RANBP2: variants seen among roughly 807,000 people sequenced by gnomAD.
RANBP2 encodes RAN binding protein 2.
A neutral mutation model predicts 303.6 loss-of-function variants in RANBP2; 57 were observed. That is an observed-to-expected ratio of 0.19 (90% confidence interval 0.15 to 0.23). The LOEUF (loss-of-function observed/expected upper bound fraction) is 0.23. Ranked by LOEUF, RANBP2 falls within the 10% of genes least tolerant of loss-of-function variation. The probability of loss-of-function intolerance (pLI) is 1.00; values close to 1 mark genes in which losing one functional copy is unlikely to be tolerated. For synonymous variants in RANBP2, 1,167 were observed against 1,301.5 expected, an observed-to-expected ratio of 0.90 and a Z score of 2.23; for missense variants, 3,138 against 3,780.8, an observed-to-expected ratio of 0.83 and a Z score of 4.46.
the RANBP2 span, among the ~76,000 whole-genome samples, chr2:109,312,107 T>C: frequency 6.6e-6 from 1 of 152,230 alleles, no homozygotes; most frequent in East Asian, 1.9e-4. Context: ...TTAGCATTGT[T>C]AGTTCAAAAG....
At chr2:108,886,098 T>C in the RANBP2 span, among the ~76,000 whole-genome samples, 7 of 152,356 alleles carry the variant, frequency 4.6e-5, no homozygotes, top group Admixed American at 2.0e-4. Context: ...GTATATCATA[T>C]TGATTTCTTT....
At chr2:109,584,724 T>C in the RANBP2 span, among the ~76,000 whole-genome samples, 1 of 152,176 alleles carries the variant, frequency 6.6e-6, no homozygotes, top group Non-Finnish European at 1.5e-5. Context: ...AATTTGATTA[T>C]AATTTTACAA....
chr2:109,005,508 C>T, the RANBP2 span, among the ~76,000 whole-genome samples: 1 of 152,166 alleles, frequency 6.6e-6, no homozygotes, highest in Non-Finnish European at 1.5e-5. Flanking sequence ...TCCACCCTGT[C>T]TGCAGAAGCA....
chr2:109,119,417 AT>A, the RANBP2 span, among the ~76,000 whole-genome samples: 1 of 152,212 alleles, frequency 6.6e-6, no homozygotes, highest in Non-Finnish European at 1.5e-5. Context: ...ATTATTTATA[AT>A]TGACAATCTC....
At chr2:109,694,530 G>C in the RANBP2 span, among the ~76,000 whole-genome samples, 3 of 151,530 alleles carry the variant, frequency 2.0e-5, no homozygotes, top group Non-Finnish European at 4.4e-5. Context: ...GAACTGGTAA[G>C]CATAATGCAA....
the RANBP2 span, chr2:109,251,472 G>A: frequency 3.1e-5 from 23 of 735,768 alleles, no homozygotes; most frequent in Non-Finnish European, 5.9e-5. Context: ...ACAAGAAGTT[G>A]TCATTGAAAT....
the RANBP2 span, among the ~76,000 whole-genome samples, chr2:109,436,075 G>A: frequency 1.3e-5 from 2 of 152,190 alleles, no homozygotes; most frequent in African/African-American, 4.8e-5. Flanking sequence ...AGGCACAGGA[G>A]ACGGGGCAGG....
At chr2:108,728,752 C>T (rs1261054576) in intron 1 of RANBP2, among the ~76,000 whole-genome samples, 1 of 152,164 alleles carries the variant, frequency 6.6e-6, no homozygotes, top group Non-Finnish European at 1.5e-5. Flanking sequence ...TCAACTGATT[C>T]TCGTGCCTTA....
intron 9 of RANBP2, among the ~76,000 whole-genome samples, chr2:108,749,667 C>T (rs1271225723): frequency 1.3e-5 from 2 of 152,188 alleles, no homozygotes; most frequent in African/African-American, 4.8e-5. Context: ...TCGTAGGTCA[C>T]TGATACCTTG....
chr2:109,500,082 C>T, the RANBP2 span, among the ~76,000 whole-genome samples: 33,277 of 152,048 alleles, frequency 0.22, 3,716 homozygotes, highest in Admixed American at 0.26. Context: ...GTGTGGCTGT[C>T]CTCAGGTGTG....
chr2:109,469,811 T>C, the RANBP2 span, among the ~76,000 whole-genome samples: 1 of 152,150 alleles, frequency 6.6e-6, no homozygotes, highest in Non-Finnish European at 1.5e-5. Flanking sequence ...CCTCAGAAGG[T>C]AGATCCGAAT....
the RANBP2 span, among the ~76,000 whole-genome samples, chr2:108,837,842 A>AG: frequency 6.6e-6 from 1 of 152,154 alleles, no homozygotes; most frequent in Non-Finnish European, 1.5e-5. Flanking sequence ...TGACTGTAAG[A>AG]GAGTATATGG....
chr2:109,676,454 C>T, the RANBP2 span, among the ~76,000 whole-genome samples: 4 of 152,340 alleles, frequency 2.6e-5, no homozygotes, highest in Admixed American at 6.5e-5. Flanking sequence ...ATCTGCGGGG[C>T]GGGCTGCTCA....
chr2:109,524,483 G>A, the RANBP2 span, among the ~76,000 whole-genome samples: 5 of 141,170 alleles, frequency 3.5e-5, no homozygotes, highest in African/African-American at 5.7e-5. Flanking sequence ...AACACTGGGC[G>A]CGATGGCTCA....
chr2:109,537,263 T>C, the RANBP2 span, among the ~76,000 whole-genome samples: 28 of 152,226 alleles, frequency 1.8e-4, no homozygotes, highest in Non-Finnish European at 3.1e-4. Context: ...ATTTTCTAAG[T>C]CTTAAAATGA....
chr2:109,086,039 G>T, the RANBP2 span, among the ~76,000 whole-genome samples: 1 of 152,332 alleles, frequency 6.6e-6, no homozygotes, highest in South Asian at 2.1e-4. Flanking sequence ...TTGTCCTTTG[G>T]TGATGGGCTT....
chr2:109,290,123 C>G, the RANBP2 span, among the ~76,000 whole-genome samples: 2 of 152,150 alleles, frequency 1.3e-5, no homozygotes, highest in Non-Finnish European at 2.9e-5. Flanking sequence ...CTTTGATTAC[C>G]ACAGATATAG....
chr2:108,901,171 C>T, the RANBP2 span, among the ~76,000 whole-genome samples: 1 of 152,136 alleles, frequency 6.6e-6, no homozygotes, highest in Non-Finnish European at 1.5e-5. Context: ...ACAATAGAAT[C>T]AGAATATAAA....
At chr2:108,881,115 A>G in the RANBP2 span, among the ~76,000 whole-genome samples, 25 of 152,346 alleles carry the variant, frequency 1.6e-4, no homozygotes, top group African/African-American at 5.5e-4. Context: ...TGGTCTTCCA[A>G]TAGAAGGCTG....
Sources: allele counts gnomAD v4.1 joint callset (sites outside exome capture counted in the v4.1 genomes callset), GRCh38; gene constraint gnomAD v4.1.1; transcripts MANE v1.5; gene names NCBI Gene and HGNC (gene_info 2026-07-23, HGNC 2026-07-21).